Variants in GALNT7 observed in about 807,000 individuals in gnomAD.
GALNT7 encodes the protein polypeptide N-acetylgalactosaminyltransferase 7.
In GALNT7, 60 loss-of-function variants were observed where a neutral mutation model predicts 82.1. That is an observed-to-expected ratio of 0.73 (90% CI 0.59 to 0.91). The LOEUF is 0.91. GALNT7 is among the 40% of genes least tolerant of loss of function. The probability of loss-of-function intolerance (pLI) is 0.00; values close to 1 mark genes in which losing one functional copy is unlikely to be tolerated. For synonymous variants in GALNT7, 243 were observed against 275.1 expected (o/e 0.88, Z 1.15); for missense variants, 660 against 804.2 (o/e 0.82, Z 2.17).
chr4:173,293,351 G>C (rs1000414396), intron 3 of GALNT7, among the ~76,000 whole-genome samples: 1 of 144,998 alleles, frequency 6.9e-6, no homozygotes, highest in Non-Finnish European at 1.5e-5. Flanking sequence ...CTTGAGTTTA[G>C]AGTAGGCAGA....
chr4:173,179,171 T>A (rs925481386), intron 1 of GALNT7, among the ~76,000 whole-genome samples: 6 of 152,234 alleles, frequency 3.9e-5, no homozygotes, highest in Admixed American at 3.9e-4. Flanking sequence ...CGCTGGTATC[T>A]TATAAAAAGA....
intron 1 of GALNT7, among the ~76,000 whole-genome samples, chr4:173,186,693 G>A (rs1387936167): frequency 6.6e-6 from 1 of 152,112 alleles, no homozygotes; most frequent in African/African-American, 2.4e-5. Flanking sequence ...TTTTCTCCTG[G>A]ACTTTTAGAC....
At position 173,273,914 on chromosome 4, in the gene GALNT7, A is replaced by T. The variant is rs564360495; in HGVS notation, c.588-18194A>T. 6.6e-5 allele frequency among the ~76,000 whole-genome samples: 10 copies of T among 152,356 alleles called. No individual in the cohort carries two copies. In the East Asian group the frequency reaches 1.9e-3, roughly 29 times the overall value. ...CTTTATTTGCTCAGACTGTTAAGTT[A>T]TCTATACATCCATGCATGGTGCCCA... On this transcript the variant is annotated intron_variant, in intron 2 of 11. Transcript: ENST00000265000.
intron 1 of GALNT7, among the ~76,000 whole-genome samples, chr4:173,242,775 G>A (rs1734480892): frequency 6.6e-6 from 1 of 152,168 alleles, no homozygotes; most frequent in Non-Finnish European, 1.5e-5. Flanking sequence ...CCAGCCTACT[G>A]GCACGCCTTG....
At chr4:173,212,510 G>C (rs902750756) in intron 1 of GALNT7, among the ~76,000 whole-genome samples, 8 of 152,062 alleles carry the variant, frequency 5.3e-5, no homozygotes, top group African/African-American at 1.9e-4. Flanking sequence ...TAGACTAACT[G>C]TCTTTTTACA....
intron 1 of GALNT7, among the ~76,000 whole-genome samples, chr4:173,170,059 C>T (rs528749877): frequency 1.3e-5 from 2 of 152,130 alleles, no homozygotes; most frequent in South Asian, 2.1e-4. Context: ...GGGGAAGGGA[C>T]CGCGGGCACT....
intron 2 of GALNT7, among the ~76,000 whole-genome samples, chr4:173,253,397 T>A (rs1561174500): frequency 6.6e-6 from 1 of 152,090 alleles, no homozygotes; most frequent in Non-Finnish European, 1.5e-5. Flanking sequence ...GAAGACTACA[T>A]GCCATTCACA....
At chr4:173,242,266 A>G (rs911902979) in intron 1 of GALNT7, among the ~76,000 whole-genome samples, 10 of 152,226 alleles carry the variant, frequency 6.6e-5, no homozygotes, top group African/African-American at 2.4e-4. Context: ...CTTTGAGCAG[A>G]TAATTCTTAC....
At chr4:173,196,401 AG>A (rs1732780288) in intron 1 of GALNT7, among the ~76,000 whole-genome samples, 1 of 152,198 alleles carries the variant, frequency 6.6e-6, no homozygotes, top group East Asian at 1.9e-4. Flanking sequence ...CTGGGATTAC[AG>A]GTGTGAGCCA....
intron 2 of GALNT7, among the ~76,000 whole-genome samples, chr4:173,258,122 A>C (rs1735113062): frequency 6.6e-6 from 1 of 152,272 alleles, no homozygotes; most frequent in Non-Finnish European, 1.5e-5. Context: ...TTAAGAAAGC[A>C]GCCTTGGGTA....
At chr4:173,265,241 G>A (rs1735437031) in intron 2 of GALNT7, among the ~76,000 whole-genome samples, 1 of 152,120 alleles carries the variant, frequency 6.6e-6, no homozygotes, top group African/African-American at 2.4e-5. Context: ...ATCCTGTTAT[G>A]AGAATGTCTT....
intron 8 of GALNT7, among the ~76,000 whole-genome samples, chr4:173,304,699 C>G (rs568223503): frequency 1.5e-4 from 23 of 151,974 alleles, no homozygotes; most frequent in Admixed American, 5.2e-4. Context: ...CCCACTCCCC[C>G]CAATCCTCAC....
intron 2 of GALNT7, among the ~76,000 whole-genome samples, chr4:173,251,661 T>A (rs1734851581): frequency 1.3e-5 from 2 of 152,202 alleles, no homozygotes; most frequent in African/African-American, 4.8e-5. Context: ...CTGTCTCCTT[T>A]CTTTCCTTCT....
intron 2 of GALNT7, among the ~76,000 whole-genome samples, chr4:173,277,351 C>G (rs77153906): frequency 6.6e-6 from 1 of 152,218 alleles, no homozygotes; most frequent in African/African-American, 2.4e-5. Context: ...CTCTGTCTTT[C>G]TCAGAGTTCA....
chr4:173,221,896 C>T (rs561178369), intron 1 of GALNT7, among the ~76,000 whole-genome samples: 1 of 152,278 alleles, frequency 6.6e-6, no homozygotes, highest in African/African-American at 2.4e-5. Context: ...TACTACTGGT[C>T]AGAGATTGTT....
chr4:173,287,131 A>T (rs943805496), intron 2 of GALNT7, among the ~76,000 whole-genome samples: 1 of 152,236 alleles, frequency 6.6e-6, no homozygotes, highest in Non-Finnish European at 1.5e-5. Flanking sequence ...TCTTTATTGA[A>T]TAAAAAGGTT....
chr4:173,174,842 TAAAG>T (rs1731985017), intron 1 of GALNT7, among the ~76,000 whole-genome samples: 1 of 152,222 alleles, frequency 6.6e-6, no homozygotes, highest in African/African-American at 2.4e-5. Context: ...CAGTTACTAG[TAAAG>T]AGAGAATGAA....
chr4:173,227,580 T>G (rs563135385), intron 1 of GALNT7, among the ~76,000 whole-genome samples: 1 of 152,220 alleles, frequency 6.6e-6, no homozygotes, highest in Non-Finnish European at 1.5e-5. Flanking sequence ...ATCCACCCAC[T>G]TCGGCCTCCC....
At chr4:173,283,820 T>G (rs1030238476) in intron 2 of GALNT7, among the ~76,000 whole-genome samples, 2 of 151,756 alleles carry the variant, frequency 1.3e-5, no homozygotes, top group African/African-American at 4.8e-5. Flanking sequence ...AAACAACGAG[T>G]TTTTCCAATT....
Sources: gnomAD v4.1 joint callset for allele counts (sites outside exome capture counted in the v4.1 genomes callset) on GRCh38, gnomAD v4.1.1 for gene constraint, MANE v1.5 for transcripts, NCBI Gene and HGNC (gene_info 2026-07-23, HGNC 2026-07-21) for gene names.